Variants in VAC14 observed in about 807,000 individuals in gnomAD.
VAC14 encodes the protein VAC14 component of PIKFYVE complex.
Under a neutral mutation model 85.3 loss-of-function variants are expected in VAC14, and 47 were observed. The observed-to-expected ratio is 0.55, with a 90% confidence interval of 0.44 to 0.70. The LOEUF (loss-of-function observed/expected upper bound fraction) is 0.70, where lower values mean the gene tolerates loss of function less well. VAC14 is among the 30% of genes least tolerant of loss of function. VAC14 has a pLI of 0.00. For synonymous variants in VAC14, 447 were observed against 430.5 expected (o/e 1.04, Z -0.47); for missense variants, 861 against 1,004.3 (o/e 0.86, Z 1.93).
chr16:70,797,712 G>T (rs187955184), intron 1 of VAC14, among the ~76,000 whole-genome samples: 1 of 152,328 alleles, frequency 6.6e-6, no homozygotes, highest in East Asian at 1.9e-4. Flanking sequence ...GATCATGGGG[G>T]TGGATTTCTC....
At position 70,731,531 on chromosome 16, in the gene VAC14, C is replaced by T. The variant is rs199765140; in HGVS notation, c.1625G>A (p.Arg542Gln). Residue 542 changes from arginine (R) to glutamine (Q), a missense_variant, in exon 14 of 19, where the codon CGG becomes CAG. Physicochemically the swap from Arg to Gln is conservative, Grantham distance 43 (BLOSUM62 1). This residue lies in a region of VAC14 where 629 missense variants were observed against 703.1 expected (regional missense o/e 0.89). Transcript: ENST00000261776. ...INLLKRFSSE[R>Q]KLLEVRGPFI... ...AGGGCCTCTGACCTCCAGGAGCTTC[C>T]GTTCGCTGCTGAATCTCTTGAGAAG... 37 of 1,614,084 alleles carry T rather than the reference C, an allele frequency of 2.3e-5. No homozygotes were observed. Among genetic ancestry groups the T allele is most frequent in the Admixed American group, 1.7e-4 (10 of 60,028 alleles).
chr16:70,790,652 G>A (rs926126697), intron 1 of VAC14, among the ~76,000 whole-genome samples: 2 of 152,154 alleles, frequency 1.3e-5, no homozygotes, highest in Non-Finnish European at 2.9e-5. Context: ...GGGGATTTCT[G>A]TGCTGGGCGT....
chr16:70,754,740 G>A (rs2031690999), intron 12 of VAC14, among the ~76,000 whole-genome samples: 1 of 152,116 alleles, frequency 6.6e-6, no homozygotes, highest in Non-Finnish European at 1.5e-5. Flanking sequence ...CCATTCTCTG[G>A]GCTGAGGCCG....
chr16:70,695,106 A>T (rs1218219308), intron 17 of VAC14, among the ~76,000 whole-genome samples: 3 of 138,966 alleles, frequency 2.2e-5, no homozygotes, highest in African/African-American at 7.7e-5. Context: ...CTATCATCCC[A>T]GTCTTTTTTT....
intron 10 of VAC14, among the ~76,000 whole-genome samples, chr16:70,765,342 C>A (rs1015995571): frequency 3.9e-5 from 6 of 152,146 alleles, no homozygotes; most frequent in African/African-American, 1.4e-4. Context: ...GGTGCCGTGA[C>A]CAGGTCCCCT....
chr16:70,760,178 G>A (rs1490388041), intron 12 of VAC14, among the ~76,000 whole-genome samples: 1 of 152,178 alleles, frequency 6.6e-6, no homozygotes, highest in Non-Finnish European at 1.5e-5. Context: ...TGGTAGGAGA[G>A]GACCTGCCTG....
intron 12 of VAC14, among the ~76,000 whole-genome samples, chr16:70,751,050 T>C (rs933953958): frequency 6.6e-6 from 1 of 151,944 alleles, no homozygotes; most frequent in African/African-American, 2.4e-5. Context: ...GGACAGGAAA[T>C]GGAAGATGGA....
intron 14 of VAC14, among the ~76,000 whole-genome samples, chr16:70,717,678 C>T (rs959554120): frequency 3.3e-5 from 5 of 152,034 alleles, no homozygotes; most frequent in Admixed American, 6.5e-5. Context: ...TTTTTTGAGA[C>T]AGGGTCTCAC....
At chr16:70,766,828 C>G (rs948588828) in intron 10 of VAC14, among the ~76,000 whole-genome samples, 6 of 152,122 alleles carry the variant, frequency 3.9e-5, no homozygotes, top group Admixed American at 3.9e-4. Flanking sequence ...GCAGGGTTGG[C>G]TGCTGCTGCT....
Position 70,772,332 on chromosome 16 carries a change from C to T in VAC14, c.1097-160G>A, listed in dbSNP as rs150573397. 1.7e-3 allele frequency: 1,024 copies of T among 603,788 alleles called. 6 individuals are homozygous for T. The highest frequency in any genetic ancestry group is 0.017 in the African/African-American group (910 of 54,202). 37.4% of individuals were successfully genotyped at this position (603,788 alleles called of 1,614,324 possible). On this transcript the variant is annotated intron_variant, in intron 9 of 18. Coordinates refer to ENST00000261776, the MANE Select transcript of VAC14 (RefSeq NM_018052.5). ...TCTGGAGCCCTGAGGACCCAACCAA[C>T]GCCCAGTCATTCTCGATAGTCCCCA...
At chr16:70,693,516 C>T (rs1030761287) in intron 17 of VAC14, among the ~76,000 whole-genome samples, 7 of 152,214 alleles carry the variant, frequency 4.6e-5, no homozygotes, top group South Asian at 2.1e-4. Context: ...ACCAAAGCCC[C>T]GGAGCGTCTG....
intron 9 of VAC14, among the ~76,000 whole-genome samples, chr16:70,776,085 A>G (rs572836840): frequency 6.6e-6 from 1 of 152,290 alleles, no homozygotes; most frequent in South Asian, 2.1e-4. Flanking sequence ...AATGACACCC[A>G]CCATAAGAAC....
chr16:70,703,050 T>G (rs2053859207), intron 14 of VAC14, among the ~76,000 whole-genome samples: 1 of 152,196 alleles, frequency 6.6e-6, no homozygotes, highest in African/African-American at 2.4e-5. Context: ...TCCTCACCAC[T>G]CTGCTTCCCC....
rs1254762625 is a variant in VAC14 at position 70,762,431 on chromosome 16, T to C, written c.1371+109A>G. Reference sequence around the variant, plus strand: ...CCCCAAAGTGAGTATTAAACACAGCTTTACCTCTAGGAAGGATGCACTGTA... The same window carrying C: ...CCCCAAAGTGAGTATTAAACACAGCCTTACCTCTAGGAAGGATGCACTGTA... On this transcript the variant is annotated intron_variant, in intron 12 of 18. Transcript: ENST00000261776. This position sits in a 1 kb window ranked among gnomAD's most constrained non-coding sequence, Gnocchi z 4.1. The C allele has an allele frequency of 1.7e-6, 2 of 1,159,584 alleles. No homozygotes were observed. Among genetic ancestry groups the C allele is most frequent in the Admixed American group, 3.9e-5 (2 of 50,672 alleles). The allele number at this position is 1,159,584 out of a possible 1,614,324, so 71.8% of individuals were successfully genotyped here. A position where few individuals can be genotyped will look rare whatever the true frequency, so the allele number is the denominator to read the frequency against.
At chr16:70,782,965 G>T in intron 7 of VAC14, 68 bp downstream of exon 7, 1 of 1,401,794 alleles carries the variant, frequency 7.1e-7, no homozygotes, top group Non-Finnish European at 1.0e-6. Flanking sequence ...GGTGAAAGGG[G>T]CTTCTGCAGA....
At chr16:70,779,649 T>C (rs1404799355) in intron 9 of VAC14, among the ~76,000 whole-genome samples, 1 of 151,678 alleles carries the variant, frequency 6.6e-6, no homozygotes, top group African/African-American at 2.4e-5. Context: ...GGAATTTAAC[T>C]AGAAAAAAAA....
intron 1 of VAC14, among the ~76,000 whole-genome samples, chr16:70,795,863 G>A (rs927305566): frequency 1.3e-5 from 2 of 152,198 alleles, no homozygotes; most frequent in Non-Finnish European, 2.9e-5. Flanking sequence ...ACTTGACCAT[G>A]AGTGGCGCTG....
intron 12 of VAC14, among the ~76,000 whole-genome samples, chr16:70,756,711 T>C (rs7185508): frequency 0.09 from 13,697 of 152,102 alleles, 2,003 homozygotes; most frequent in African/African-American, 0.31. Context: ...TACCACTGGG[T>C]TGGGGAGGCA....
intron 14 of VAC14, among the ~76,000 whole-genome samples, chr16:70,701,308 T>C (rs2053823068): frequency 6.6e-6 from 1 of 152,138 alleles, no homozygotes; most frequent in South Asian, 2.1e-4. Context: ...AGGCCCTGCC[T>C]GGCCACCTAG....
Sources: gnomAD v4.1 joint callset for allele counts (sites outside exome capture counted in the v4.1 genomes callset) on GRCh38, gnomAD v4.1.1 for gene constraint, gnomAD v4.1.1 regional missense constraint, Gnocchi (gnomAD v3.1) non-coding constraint, MANE v1.5 for transcripts, NCBI Gene and HGNC (gene_info 2026-07-23, HGNC 2026-07-21) for gene names.